PLD5: variants seen among roughly 807,000 people sequenced by gnomAD.
The protein encoded by PLD5 is phospholipase D family member 5, also known as inactive phospholipase D5.
Under a neutral mutation model 61.1 loss-of-function variants are expected in PLD5, and 36 were observed. That is an observed-to-expected ratio of 0.59 (90% CI 0.45 to 0.78). The LOEUF (loss-of-function observed/expected upper bound fraction) is 0.78, where lower values mean the gene tolerates loss of function less well. Ranked by LOEUF, PLD5 falls within the 30% of genes least tolerant of loss-of-function variation. The pLI is 0.00. For missense variants in PLD5, 515 were observed against 644.4 expected (o/e 0.80, Z 2.17); for synonymous variants, 243 against 242.8 (o/e 1.00, Z -0.01).
chr1:242,253,271 A>C (rs1262881132), intron 4 of PLD5, among the ~76,000 whole-genome samples: 2 of 144,756 alleles, frequency 1.4e-5, no homozygotes, highest in African/African-American at 2.6e-5. Flanking sequence ...TGCTGGCATT[A>C]CAAGTGTGAA....
At chr1:242,294,621 C>T (rs1452971012) in intron 2 of PLD5, among the ~76,000 whole-genome samples, 1 of 152,132 alleles carries the variant, frequency 6.6e-6, no homozygotes, top group African/African-American at 2.4e-5. Context: ...CAGTTATGAG[C>T]TGTGTGACCT....
chr1:242,304,311 C>T (rs1676224974), intron 2 of PLD5, among the ~76,000 whole-genome samples: 1 of 152,200 alleles, frequency 6.6e-6, no homozygotes, highest in Non-Finnish European at 1.5e-5. Context: ...GCAGATTGGC[C>T]ACACAGCACA....
At chr1:242,493,929 A>T (rs1668261707) in intron 1 of PLD5, among the ~76,000 whole-genome samples, 1 of 152,246 alleles carries the variant, frequency 6.6e-6, no homozygotes, top group Non-Finnish European at 1.5e-5. Flanking sequence ...AAAAGGAATT[A>T]AGCAATGAGT....
chr1:242,243,675 C>T (rs1039203144), intron 4 of PLD5, among the ~76,000 whole-genome samples: 6 of 152,196 alleles, frequency 3.9e-5, no homozygotes, highest in African/African-American at 1.4e-4. Flanking sequence ...GGAAACTCTT[C>T]CTAGGCCAGA....
intron 3 of PLD5, among the ~76,000 whole-genome samples, chr1:242,284,408 AT>A (rs976593073): frequency 4.0e-5 from 6 of 151,898 alleles, no homozygotes; most frequent in African/African-American, 1.5e-4. Flanking sequence ...AAGTGCTGGT[AT>A]TACAGGCCAC....
chr1:242,430,394 T>A (rs114483390), intron 1 of PLD5, among the ~76,000 whole-genome samples: 39 of 152,288 alleles, frequency 2.6e-4, no homozygotes, highest in Non-Finnish European at 4.7e-4. Flanking sequence ...CTTCCTCCTC[T>A]TGTAAGAGCA....
chr1:242,401,138 C>CA (rs1663908006), intron 1 of PLD5, among the ~76,000 whole-genome samples: 1 of 152,176 alleles, frequency 6.6e-6, no homozygotes, highest in Non-Finnish European at 1.5e-5. Context: ...AGCATTCCTC[C>CA]TGCCAGAGCC....
At chr1:242,259,677 C>T (rs1673275251) in intron 4 of PLD5, among the ~76,000 whole-genome samples, 1 of 151,408 alleles carries the variant, frequency 6.6e-6, no homozygotes, top group Non-Finnish European at 1.5e-5. Context: ...CAACCATGAA[C>T]AAATAAAAGC....
Position 242,089,685 on chromosome 1 carries a change from C to T in PLD5, c.*169G>A, listed in dbSNP as rs1192793868. On this transcript the variant is annotated 3_prime_UTR_variant, in exon 10 of 10. Transcript: ENST00000536534. The stretch of plus-strand genomic sequence containing the variant: ...ATACAAAAGTCTTAATTTTAGTGTA[C>T]ACGACGCTAAGATATTGTTAGATAG... The T allele has an allele frequency of 6.2e-6, 5 of 803,860 alleles. No homozygotes were observed. The highest frequency in any genetic ancestry group is 5.2e-5 in the African/African-American group (3 of 57,890). The allele number at this position is 803,860 out of a possible 1,614,324, so 49.8% of individuals were successfully genotyped here.
intron 1 of PLD5, among the ~76,000 whole-genome samples, chr1:242,355,768 A>C (rs1660719610): frequency 6.6e-6 from 1 of 152,114 alleles, no homozygotes; most frequent in Non-Finnish European, 1.5e-5. Flanking sequence ...CTCTTGCTGC[A>C]TTCCTAAATT....
rs969515628 is a variant in PLD5 at position 242,256,008 on chromosome 1, C to G, written c.607+9329G>C. 6.6e-6 allele frequency among the ~76,000 whole-genome samples: 1 copy of G among 152,222 alleles called. No individual in the cohort carries two copies. The highest frequency in any genetic ancestry group is 1.5e-5 in the Non-Finnish European group (1 of 68,048). Reference sequence around the variant, plus strand: ...ACCCAAATGACCTAAAGATGCCCAGCCAGGGCTTATTAGGTCCCTGTGGCT... The same window carrying G: ...ACCCAAATGACCTAAAGATGCCCAGGCAGGGCTTATTAGGTCCCTGTGGCT... On this transcript the variant is annotated intron_variant, in intron 4 of 9. Coordinates refer to ENST00000536534, the MANE Select transcript of PLD5 (RefSeq NM_001372062.1). The surrounding 1 kb of genome is among the most constrained non-coding windows in gnomAD (Gnocchi z 5.7).
intron 1 of PLD5, among the ~76,000 whole-genome samples, chr1:242,355,087 A>C (rs182305069): frequency 6.6e-6 from 1 of 151,952 alleles, no homozygotes; most frequent in Non-Finnish European, 1.5e-5. Context: ...AGTTTTCTTT[A>C]CTTGTGATGT....
chr1:242,140,739 TA>T (rs907886688), intron 5 of PLD5, among the ~76,000 whole-genome samples: 3 of 125,340 alleles, frequency 2.4e-5, no homozygotes, highest in African/African-American at 6.8e-5. Context: ...GCTACATCGT[TA>T]AATTTTTTTT....
At chr1:242,207,388 C>A (rs1236763587) in intron 5 of PLD5, among the ~76,000 whole-genome samples, 1 of 152,056 alleles carries the variant, frequency 6.6e-6, no homozygotes, top group Non-Finnish European at 1.5e-5. Flanking sequence ...TTCGGTAGTT[C>A]CCCCTTGGCC....
chr1:242,522,248 T>C (rs1669303774), intron 1 of PLD5, among the ~76,000 whole-genome samples: 1 of 152,202 alleles, frequency 6.6e-6, no homozygotes, highest in Admixed American at 6.5e-5. Flanking sequence ...ATGCTCTCTT[T>C]TGGAGTATCT....
chr1:242,163,653 A>G (rs1287405885), intron 5 of PLD5, among the ~76,000 whole-genome samples: 1 of 152,202 alleles, frequency 6.6e-6, no homozygotes, highest in Non-Finnish European at 1.5e-5. Flanking sequence ...TCTATCTCCC[A>G]GCATTTTCCC....
intron 1 of PLD5, among the ~76,000 whole-genome samples, chr1:242,395,059 A>ATT (rs1663470752): frequency 9.6e-6 from 1 of 104,610 alleles, no homozygotes; most frequent in Non-Finnish European, 1.8e-5. Flanking sequence ...ATGAATATAT[A>ATT]TGTATATATA....
At position 242,516,567 on chromosome 1, in the gene PLD5, C is replaced by G. The variant is rs964924958; in HGVS notation, c.189+7521G>C. On this transcript the variant is annotated intron_variant, in intron 1 of 9. Transcript: ENST00000536534. ...TGTGGATATGCAACTGACCCAGCAC[C>G]CTTTTTTGAAAAGATTATCTCTTTC... 3.3e-5 allele frequency among the ~76,000 whole-genome samples: 5 copies of G among 152,156 alleles called. No individual in the cohort carries two copies. The East Asian group carries it at 9.7e-4, about 29-fold the overall frequency.
chr1:242,280,031 A>G (rs903264248), intron 3 of PLD5, among the ~76,000 whole-genome samples: 1 of 152,256 alleles, frequency 6.6e-6, no homozygotes, highest in East Asian at 1.9e-4. Flanking sequence ...TGAAAACCAC[A>G]GCTATCTTTT....
Sources: gnomAD v4.1 joint callset for allele counts (sites outside exome capture counted in the v4.1 genomes callset) on GRCh38, gnomAD v4.1.1 for gene constraint, Gnocchi (gnomAD v3.1) non-coding constraint, MANE v1.5 for transcripts, NCBI Gene and HGNC (gene_info 2026-07-23, HGNC 2026-07-21) for gene names.